Variants in CSMD1 observed in about 807,000 individuals in gnomAD.
CSMD1 encodes the protein CUB and sushi domain-containing protein 1.
A neutral mutation model predicts 417.5 loss-of-function variants in CSMD1; 213 were observed. That is an observed-to-expected ratio of 0.51 (90% CI 0.46 to 0.57). The LOEUF is 0.57. CSMD1 is among the 20% of genes least tolerant of loss of function. The pLI is 0.00. For synonymous variants in CSMD1, 2,862 were observed against 1,736.8 expected (o/e 1.65, Z -16.11); for missense variants, 6,923 against 4,529.7 (o/e 1.53, Z -15.17).
chr8:4,663,559 T>G (rs776980787), intron 1 of CSMD1, among the ~76,000 whole-genome samples: 1 of 152,136 alleles, frequency 6.6e-6, no homozygotes, highest in Non-Finnish European at 1.5e-5. Flanking sequence ...GACCTGGCTG[T>G]TGAAAAGTGC....
At chr8:3,163,570 T>G (rs1256017321) in intron 37 of CSMD1, among the ~76,000 whole-genome samples, 1 of 151,424 alleles carries the variant, frequency 6.6e-6, no homozygotes, top group Non-Finnish European at 1.5e-5. Context: ...CTGCTTCATC[T>G]GCTTCATGCC....
At chr8:4,273,153 C>G (rs1043006390) in intron 3 of CSMD1, among the ~76,000 whole-genome samples, 6 of 152,036 alleles carry the variant, frequency 3.9e-5, no homozygotes, top group South Asian at 4.1e-4. Context: ...TTTACTCTTA[C>G]CTTTATCTTT....
intron 1 of CSMD1, among the ~76,000 whole-genome samples, chr8:4,894,851 G>T (rs915283321): frequency 7.2e-5 from 11 of 152,016 alleles, no homozygotes; most frequent in East Asian, 1.9e-4. Context: ...TTTTATTAAG[G>T]TTCTCTGTGT....
chr8:3,045,763 A>G (rs1311275964), intron 50 of CSMD1, among the ~76,000 whole-genome samples: 1 of 152,200 alleles, frequency 6.6e-6, no homozygotes, highest in Admixed American at 6.5e-5. Flanking sequence ...GATTTTCTGG[A>G]CTTTGCTACT....
rs536592263 is a variant in CSMD1 at position 3,008,257 on chromosome 8, T to C, written c.8030-8126A>G. ...GCAAACTACATTTGTGCCAGAGCAG[T>C]CAGGAGGGCAGAAAGTGGCTGAATT... On this transcript the variant is annotated intron_variant, in intron 52 of 69. Coordinates refer to ENST00000635120, the MANE Select transcript of CSMD1 (RefSeq NM_033225.6). Among the ~76,000 whole-genome samples, 26 of 152,260 alleles carry C rather than the reference T, an allele frequency of 1.7e-4. No homozygotes were observed. In the South Asian group the frequency reaches 5.2e-3, roughly 30 times the overall value.
At chr8:3,410,189 A>C (rs1328274042) in intron 12 of CSMD1, among the ~76,000 whole-genome samples, 2 of 152,196 alleles carry the variant, frequency 1.3e-5, no homozygotes, top group Non-Finnish European at 2.9e-5. Flanking sequence ...CCAAACCTAT[A>C]TTTCAAATGT....
At chr8:4,153,128 G>T (rs1196059990) in intron 3 of CSMD1, among the ~76,000 whole-genome samples, 3 of 152,170 alleles carry the variant, frequency 2.0e-5, no homozygotes, top group African/African-American at 4.8e-5. Context: ...TGGCAATGTT[G>T]TATTGAATAC....
At chr8:3,190,886 A>G (rs1197823509) in intron 33 of CSMD1, among the ~76,000 whole-genome samples, 2 of 152,222 alleles carry the variant, frequency 1.3e-5, no homozygotes, top group Non-Finnish European at 2.9e-5. Context: ...ATACCTTATG[A>G]TTCTACTTCT....
At chr8:3,877,081 C>G (rs532406587) in intron 5 of CSMD1, among the ~76,000 whole-genome samples, 1 of 152,256 alleles carries the variant, frequency 6.6e-6, no homozygotes, top group South Asian at 2.1e-4. Flanking sequence ...AAGGTTCTTA[C>G]AAGGGAGATT....
chr8:3,118,357 C>T (rs779353388), intron 42 of CSMD1, 42 bp downstream of exon 42: 3 of 1,385,438 alleles, frequency 2.2e-6, no homozygotes, highest in Admixed American at 1.8e-5. Flanking sequence ...CTATTATGCC[C>T]ATGAAACATT....
chr8:4,050,193 T>C (rs7836557), intron 3 of CSMD1, among the ~76,000 whole-genome samples: 5,797 of 152,222 alleles, frequency 0.038, 352 homozygotes, highest in African/African-American at 0.12. Context: ...GGATGTTGAC[T>C]TGATCACTTG....
intron 3 of CSMD1, among the ~76,000 whole-genome samples, chr8:4,227,094 G>T (rs953857228): frequency 1.6e-4 from 24 of 152,152 alleles, no homozygotes; most frequent in African/African-American, 5.8e-4. Context: ...GCATGCCTGA[G>T]GTCTTTTCTG....
intron 3 of CSMD1, among the ~76,000 whole-genome samples, chr8:4,109,460 A>C (rs1801738940): frequency 2.0e-5 from 3 of 152,214 alleles, no homozygotes; most frequent in Admixed American, 6.5e-5. Context: ...CCACACCACT[A>C]AATATGTAAC....
intron 2 of CSMD1, among the ~76,000 whole-genome samples, chr8:4,561,877 C>A (rs923780527): frequency 1.3e-5 from 2 of 152,134 alleles, no homozygotes; most frequent in East Asian, 1.9e-4. Context: ...AGCCACACAG[C>A]GCATATGTCA....
intron 3 of CSMD1, among the ~76,000 whole-genome samples, chr8:4,280,881 C>G (rs1041882089): frequency 4.6e-5 from 7 of 152,122 alleles, no homozygotes; most frequent in Non-Finnish European, 1.0e-4. Context: ...ATTAGAAATA[C>G]TTTTTTGGTA....
At chr8:4,788,942 A>T (rs1259795966) in intron 1 of CSMD1, among the ~76,000 whole-genome samples, 1 of 152,180 alleles carries the variant, frequency 6.6e-6, no homozygotes, top group African/African-American at 2.4e-5. Flanking sequence ...CAGACTGTAG[A>T]TGCAGAGTTC....
At chr8:4,569,221 G>A (rs1196775476) in intron 2 of CSMD1, among the ~76,000 whole-genome samples, 2 of 152,136 alleles carry the variant, frequency 1.3e-5, no homozygotes, top group Admixed American at 1.3e-4. Context: ...CTTTGCCCAT[G>A]CCTATGTCCT....
Position 4,081,401 on chromosome 8 carries a change from G to T in CSMD1, c.416-49302C>A, listed in dbSNP as rs2552146. The stretch of plus-strand genomic sequence containing the variant: ...TTTCTGAATATAGATGATTATAAAA[G>T]GCTTTGCAGCTTCCTCCTTTTTGCC... On this transcript the variant is annotated intron_variant, in intron 3 of 69. Transcript: ENST00000635120. Among the ~76,000 whole-genome samples the T allele has an allele frequency of 7.8e-4, 118 of 152,236 alleles. No homozygotes were observed. The East Asian group carries it at 0.021, about 27-fold the overall frequency.
At chr8:3,102,383 AGAG>A (rs1430707275) in intron 46 of CSMD1, among the ~76,000 whole-genome samples, 1 of 152,222 alleles carries the variant, frequency 6.6e-6, no homozygotes, top group Admixed American at 6.5e-5. Flanking sequence ...GTGACTTGAA[AGAG>A]AAGAGAACTA....
Sources: gnomAD v4.1 joint callset for allele counts (sites outside exome capture counted in the v4.1 genomes callset) on GRCh38, gnomAD v4.1.1 for gene constraint, MANE v1.5 for transcripts, NCBI Gene and HGNC (gene_info 2026-07-23, HGNC 2026-07-21) for gene names.